Variants in CBR4 observed in about 807,000 individuals in gnomAD.
CBR4 encodes carbonyl reductase 4, also known as 3-oxoacyl-[acyl-carrier-protein] reductase.
Under a neutral mutation model 21.0 loss-of-function variants are expected in CBR4, and 22 were observed. That is an observed-to-expected ratio of 1.05 (90% CI 0.75 to 1.50). CBR4 has a LOEUF of 1.50. Among genes scored for constraint, CBR4 ranks in the 40% most tolerant of loss-of-function variants. CBR4 has a pLI of 0.00. For missense variants in CBR4, 302 were observed against 286.3 expected (o/e 1.05, Z -0.40); for synonymous variants, 100 against 104.4 (o/e 0.96, Z 0.26).
chr4:168,916,273 G>A (rs189876363), intron 2 of CBR4, among the ~76,000 whole-genome samples: 38 of 152,178 alleles, frequency 2.5e-4, no homozygotes, highest in Non-Finnish European at 3.7e-4. Context: ...TTAGCCAGGC[G>A]TGGTGGCGTG....
At chr4:168,905,697 A>G (rs1177855434) in intron 2 of CBR4, among the ~76,000 whole-genome samples, 1 of 152,104 alleles carries the variant, frequency 6.6e-6, no homozygotes, top group African/African-American at 2.4e-5. Flanking sequence ...ATCACCCTGA[A>G]AAAGTCTAAA....
chr4:168,913,991 G>A lies in CBR4; in HGVS notation n.170-19226C>T, dbSNP rs373500403. The A allele has an allele frequency of 2.7e-5, 43 of 1,611,584 alleles. No individual in the cohort carries two copies. The South Asian group carries it at 4.0e-4, about 15-fold the overall frequency. On this transcript the variant is annotated intron_variant and non_coding_transcript_variant, in intron 2 of 3. Transcript: ENST00000509108. ...GTCAACCAAAGAGGTCGAAGTCCCC[G>A]GTCTCCCTCAGGCCATCCTCATGTC...
chr4:168,979,624 G>A (rs1467627762), intron 2 of CBR4, among the ~76,000 whole-genome samples: 1 of 152,140 alleles, frequency 6.6e-6, no homozygotes, highest in Non-Finnish European at 1.5e-5. Context: ...TGCTTCACTG[G>A]TACCTCCAGC....
chr4:168,900,688 A>G (rs1756318144), intron 2 of CBR4, among the ~76,000 whole-genome samples: 1 of 152,216 alleles, frequency 6.6e-6, no homozygotes, highest in Non-Finnish European at 1.5e-5. Context: ...TTGAATTTTC[A>G]AACCCTATAT....
At chr4:168,953,423 A>ATT (rs200084786) in intron 2 of CBR4, among the ~76,000 whole-genome samples, 3 of 145,194 alleles carry the variant, frequency 2.1e-5, no homozygotes, top group East Asian at 2.0e-4. Context: ...TCTGATCTGC[A>ATT]TTTTTTTTTT....
intron 2 of CBR4, among the ~76,000 whole-genome samples, chr4:168,936,617 C>A (rs1047149952): frequency 6.6e-6 from 1 of 152,052 alleles, no homozygotes; most frequent in Non-Finnish European, 1.5e-5. Flanking sequence ...AAAAACACAG[C>A]ACGAGAACTT....
intron 4 of CBR4, among the ~76,000 whole-genome samples, chr4:168,997,631 T>A (rs977956877): frequency 6.6e-6 from 1 of 152,152 alleles, no homozygotes; most frequent in African/African-American, 2.4e-5. Flanking sequence ...AAAGATTATA[T>A]CCTTTATCGA....
chr4:169,003,404 A>C (rs1309646831), intron 3 of CBR4, among the ~76,000 whole-genome samples: 2 of 152,238 alleles, frequency 1.3e-5, no homozygotes, highest in African/African-American at 4.8e-5. Context: ...TGATAAAACA[A>C]ATGGGTGAGG....
chr4:168,934,273 C>CAAAAAAAAAA (rs1206272373), intron 2 of CBR4, among the ~76,000 whole-genome samples: 16 of 10,664 alleles, frequency 1.5e-3, no homozygotes, highest in South Asian at 6.0e-3. Context: ...ACTAGAAAAG[C>CAAAAAAAAAA]AAAAAAAACA....
chr4:168,986,781 A>T (rs987097302), downstream of CBR4, among the ~76,000 whole-genome samples: 1 of 152,056 alleles, frequency 6.6e-6, no homozygotes, highest in Non-Finnish European at 1.5e-5. Flanking sequence ...TGTCTCTACA[A>T]AAAAATATAA....
At chr4:168,914,047 G>C in intron 2 of CBR4, 1 of 1,317,824 alleles carries the variant, frequency 7.6e-7, no homozygotes, top group South Asian at 1.2e-5. Flanking sequence ...CTTCCCAGAA[G>C]TGTTACATTA....
In CBR4 at chr4:168,988,585, AC is replaced by A; in HGVS notation, c.*1564del. On this transcript the variant is annotated 3_prime_UTR_variant, in exon 5 of 5. Transcript: ENST00000306193. ...CCCTACCTTACAAGCATCAACTACTACATTGAAACCATTCTGAGTGCTGCAT... is the reference window on the plus strand; with the variant it reads ...CCCTACCTTACAAGCATCAACTACTAATTGAAACCATTCTGAGTGCTGCAT... The A allele has an allele frequency of 1.0e-6, 1 of 985,422 alleles. No individual in the cohort carries two copies. The allele number at this position is 985,422 out of a possible 1,614,324, so 61.0% of individuals were successfully genotyped here. A position where few individuals can be genotyped will look rare whatever the true frequency, so the allele number is the denominator to read the frequency against.
chr4:168,962,936 G>T (rs1763905504), intron 2 of CBR4, among the ~76,000 whole-genome samples: 1 of 151,918 alleles, frequency 6.6e-6, no homozygotes, highest in African/African-American at 2.4e-5. Flanking sequence ...AGAGAAGGGG[G>T]ACTAACCTGT....
chr4:168,978,126 C>T (rs538429253), intron 2 of CBR4, among the ~76,000 whole-genome samples: 16 of 152,332 alleles, frequency 1.1e-4, no homozygotes, highest in African/African-American at 3.8e-4. Flanking sequence ...CCTACAGCCT[C>T]ATCTCATACC....
Position 168,921,406 on chromosome 4 carries a change from CAAAAAAA to C in CBR4, n.170-26648_170-26642del, listed in dbSNP as rs5863967. ...TGGGCAATAAGAGTGAAACTCTGTC[CAAAAAAA>C]AAAAAAAAAAAAAGCCACCTCTTGT... On this transcript the variant is annotated intron_variant and non_coding_transcript_variant, in intron 2 of 3. Coordinates refer to the CBR4 transcript ENST00000509108. The C allele has an allele frequency of 1.2e-3, 424 of 362,382 alleles. 1 individual carries two copies. Among genetic ancestry groups the C allele is most frequent in the South Asian group, 0.01 (385 of 38,452 alleles). 22.4% of individuals were successfully genotyped at this position (362,382 alleles called of 1,614,324 possible). A position where few individuals can be genotyped will look rare whatever the true frequency, so the allele number is the denominator to read the frequency against.
chr4:168,898,244 GA>G (rs527978461), intron 2 of CBR4: 174 of 523,442 alleles, frequency 3.3e-4, no homozygotes, highest in Middle Eastern at 5.2e-4. Context: ...AGAAAAGAAG[GA>G]AAAAAAAATT....
At chr4:169,005,544 G>T (rs912687415) in intron 3 of CBR4, among the ~76,000 whole-genome samples, 1 of 152,038 alleles carries the variant, frequency 6.6e-6, no homozygotes, top group African/African-American at 2.4e-5. Flanking sequence ...TGCATAAGGA[G>T]GACTAATGGG....
chr4:168,952,455 T>C (rs900179445), intron 2 of CBR4, among the ~76,000 whole-genome samples: 1 of 152,196 alleles, frequency 6.6e-6, no homozygotes, highest in African/African-American at 2.4e-5. Flanking sequence ...CCATTGCTGC[T>C]GACCTAGTGT....
intron 2 of CBR4, among the ~76,000 whole-genome samples, chr4:168,977,152 T>C: frequency 6.6e-6 from 1 of 151,936 alleles, no homozygotes; most frequent in Non-Finnish European, 1.5e-5. Flanking sequence ...CAGACCCTGT[T>C]CTGTCCATCT....
Sources: allele counts gnomAD v4.1 joint callset (sites outside exome capture counted in the v4.1 genomes callset), GRCh38; gene constraint gnomAD v4.1.1; transcripts MANE v1.5; gene names NCBI Gene and HGNC (gene_info 2026-07-23, HGNC 2026-07-21).